The following FAM53A variants were observed in gnomAD, a reference collection of about 807,000 sequenced individuals.
FAM53A encodes family with sequence similarity 53 member A, also known as protein FAM53A.
Under a neutral mutation model 26.6 loss-of-function variants are expected in FAM53A, and 28 were observed. The ratio of observed to expected loss-of-function variants is 1.05; its 90% CI spans 0.78 to 1.45. FAM53A has a LOEUF of 1.45. Ranked by LOEUF, FAM53A falls within the 40% of genes most tolerant of loss-of-function variation. The probability of loss-of-function intolerance (pLI) is 0.00; values close to 1 mark genes in which losing one functional copy is unlikely to be tolerated. For synonymous variants in FAM53A, 290 were observed against 253.1 expected, an observed-to-expected ratio of 1.15 and a Z score of -1.38; for missense variants, 650 against 575.8, an observed-to-expected ratio of 1.13 and a Z score of -1.32.
chr4:1,665,024 C>A (rs1714122093), intron 2 of FAM53A, among the ~76,000 whole-genome samples: 1 of 148,890 alleles, frequency 6.7e-6, no homozygotes, highest in Admixed American at 6.7e-5. Context: ...TTTAAAAAAT[C>A]CTGATAAAGG....
intron 4 of FAM53A, among the ~76,000 whole-genome samples, chr4:1,651,275 T>C (rs1256586778): frequency 1.3e-5 from 2 of 150,190 alleles, no homozygotes; most frequent in Non-Finnish European, 3.0e-5. Flanking sequence ...CTCACATCTG[T>C]AATCCCAGCA....
intron 1 of FAM53A, among the ~76,000 whole-genome samples, chr4:1,623,454 C>A (rs575796631): frequency 6.6e-6 from 1 of 152,222 alleles, no homozygotes; most frequent in Non-Finnish European, 1.5e-5. Context: ...ACCAGGCCCC[C>A]GGGCTCGCCA....
At chr4:1,612,384 G>A in the FAM53A span, among the ~76,000 whole-genome samples, 1 of 152,112 alleles carries the variant, frequency 6.6e-6, no homozygotes, top group African/African-American at 2.4e-5. Flanking sequence ...CTGGGCTCCC[G>A]CCAGGGCCTC....
At chr4:1,638,333 G>A (rs188416106), downstream of FAM53A, among the ~76,000 whole-genome samples, 19 of 152,186 alleles carry the variant, frequency 1.2e-4, no homozygotes, top group East Asian at 3.5e-3. Flanking sequence ...GGACCCAAGG[G>A]TGCCCTGAAC....
In FAM53A at chr4:1,654,843, C is replaced by T. The variant is rs559053577; in HGVS notation, c.882+135G>A. Reference sequence around the variant, plus strand: ...CCCACGCACTCCAGATGGCTCTCCTCACTCCTTTCCTCCCAGCCCAGAGAA... The same window carrying T: ...CCCACGCACTCCAGATGGCTCTCCTTACTCCTTTCCTCCCAGCCCAGAGAA... On this transcript the variant is annotated intron_variant, in intron 4 of 4. Transcript: ENST00000308132. The T allele has an allele frequency of 2.1e-5, 26 of 1,266,564 alleles. No homozygotes were observed. The East Asian group carries it at 7.2e-4, about 35-fold the overall frequency. The allele number at this position is 1,266,564 out of a possible 1,614,324, so 78.5% of individuals were successfully genotyped here.
At chr4:1,578,575 G>C in the FAM53A span, among the ~76,000 whole-genome samples, 1 of 151,504 alleles carries the variant, frequency 6.6e-6, no homozygotes, top group East Asian at 2.0e-4. Flanking sequence ...AAGATTTGTC[G>C]TGAGCGCGAC....
intron 1 of FAM53A, among the ~76,000 whole-genome samples, chr4:1,619,649 G>T (rs891719174): frequency 6.6e-6 from 1 of 151,634 alleles, no homozygotes; most frequent in Admixed American, 6.6e-5. Context: ...CATCTCCAGC[G>T]TCTCTGACTC....
At chr4:1,596,883 G>A in the FAM53A span, among the ~76,000 whole-genome samples, 1 of 152,176 alleles carries the variant, frequency 6.6e-6, no homozygotes, top group African/African-American at 2.4e-5. Context: ...GAGACAGTGG[G>A]AGAGAGAGAC....
At chr4:1,610,570 G>A in the FAM53A span, among the ~76,000 whole-genome samples, 7 of 152,158 alleles carry the variant, frequency 4.6e-5, no homozygotes, top group Admixed American at 1.3e-4. Flanking sequence ...ACAACAGGGA[G>A]GGCAGTGGGG....
chr4:1,656,524 G>A (rs1005175610), intron 3 of FAM53A, among the ~76,000 whole-genome samples: 1 of 152,222 alleles, frequency 6.6e-6, no homozygotes, highest in African/African-American at 2.4e-5. Context: ...GAGACGTGGA[G>A]GTGTAGGCAG....
At chr4:1,635,307 A>C (rs1715791094), downstream of FAM53A, among the ~76,000 whole-genome samples, 1 of 152,002 alleles carries the variant, frequency 6.6e-6, no homozygotes, top group Non-Finnish European at 1.5e-5. Context: ...AGGGTCTCGC[A>C]CTGTCATCCA....
chr4:1,675,833 G>T (rs1440006554), intron 1 of FAM53A, among the ~76,000 whole-genome samples: 1 of 152,152 alleles, frequency 6.6e-6, no homozygotes, highest in African/African-American at 2.4e-5. Context: ...CCCAGGATCT[G>T]GCCACACCAG....
chr4:1,628,037 CGGGGGG>C (rs1715388560), intron 1 of FAM53A, among the ~76,000 whole-genome samples: 1 of 5,156 alleles, frequency 1.9e-4, no homozygotes, highest in Non-Finnish European at 3.6e-4. Flanking sequence ...GAGGGTGGCA[CGGGGGG>C]AGGGTGCACC....
chr4:1,632,041 G>C (rs1715630894), intron 1 of FAM53A, among the ~76,000 whole-genome samples: 1 of 151,772 alleles, frequency 6.6e-6, no homozygotes, highest in Non-Finnish European at 1.5e-5. Context: ...GCACGTGCCT[G>C]TAATCCCAGC....
chr4:1,589,831 A>C, the FAM53A span, among the ~76,000 whole-genome samples: 1 of 152,176 alleles, frequency 6.6e-6, no homozygotes, highest in Non-Finnish European at 1.5e-5. Context: ...TTATATTTAC[A>C]AGGTCCAGTT....
intron 4 of FAM53A, among the ~76,000 whole-genome samples, chr4:1,644,031 C>A (rs62286258): frequency 0.21 from 32,487 of 152,228 alleles, 3,907 homozygotes; most frequent in Middle Eastern, 0.28. Context: ...TGGGCCCCTG[C>A]TGGATGGCGT....
At chr4:1,586,192 G>A in the FAM53A span, among the ~76,000 whole-genome samples, 1 of 151,932 alleles carries the variant, frequency 6.6e-6, no homozygotes, top group South Asian at 2.1e-4. Context: ...TGGTGAGACT[G>A]ATTTTTTTTT....
chr4:1,652,138 CCACA>C (rs200497763), intron 4 of FAM53A, among the ~76,000 whole-genome samples: 2 of 135,752 alleles, frequency 1.5e-5, no homozygotes, highest in Middle Eastern at 4.3e-3. Flanking sequence ...ACCTCATACA[CCACA>C]CACACCACAC....
At chr4:1,576,529 C>G in the FAM53A span, among the ~76,000 whole-genome samples, 8 of 152,356 alleles carry the variant, frequency 5.3e-5, no homozygotes, top group African/African-American at 1.4e-4. Context: ...ATCAGCACCG[C>G]GAGAAGGGGC....
Sources: gnomAD v4.1 joint callset for allele counts (sites outside exome capture counted in the v4.1 genomes callset) on GRCh38, gnomAD v4.1.1 for gene constraint, MANE v1.5 for transcripts, NCBI Gene and HGNC (gene_info 2026-07-23, HGNC 2026-07-21) for gene names.